The following WDFY3 variants were observed in gnomAD, a reference collection of about 807,000 sequenced individuals.
The protein encoded by WDFY3 is WD repeat and FYVE domain-containing protein 3.
A neutral mutation model predicts 409.6 loss-of-function variants in WDFY3; 66 were observed. That is an observed-to-expected ratio of 0.16 (90% confidence interval 0.13 to 0.20). The LOEUF (loss-of-function observed/expected upper bound fraction) is 0.20. Ranked by LOEUF, WDFY3 falls within the 10% of genes least tolerant of loss-of-function variation. The pLI, the probability that WDFY3 is intolerant of heterozygous loss-of-function variation, is 1.00. For synonymous variants in WDFY3, 1,521 were observed against 1,537.1 expected, an observed-to-expected ratio of 0.99 and a Z score of 0.25; for missense variants, 3,031 against 4,298.1, an observed-to-expected ratio of 0.71 and a Z score of 8.24.
intron 36 of WDFY3, among the ~76,000 whole-genome samples, chr4:84,750,483 C>G (rs529118677): frequency 8.6e-5 from 13 of 152,008 alleles, no homozygotes; most frequent in African/African-American, 2.9e-4. Context: ...AAAAAAAAAT[C>G]TCAGGTTCAG....
intron 5 of WDFY3, among the ~76,000 whole-genome samples, chr4:84,847,790 C>CAAAAAAAAAAAAAAAAAAAAAACA (rs78361102): frequency 3.6e-5 from 3 of 82,728 alleles, no homozygotes; most frequent in Admixed American, 1.3e-4. Context: ...AAAAAAAAAC[C>CAAAAAAAAAAAAAAAAAAAAAACA]AAAAAAAAAA....
intron 63 of WDFY3, 49 bp from the exon 64 acceptor site, chr4:84,682,519 G>T: frequency 6.8e-7 from 1 of 1,461,958 alleles, no homozygotes; most frequent in South Asian, 1.2e-5. Flanking sequence ...ACAGATTAAG[G>T]AACCAATTTA....
rs553902533 is a variant in WDFY3 at position 84,746,095 on chromosome 4, C to T, written c.5974-2296G>A. 4.8e-5 allele frequency among the ~76,000 whole-genome samples: 7 copies of T among 146,066 alleles called. 1 individual carries two copies. The highest frequency in any genetic ancestry group is 1.4e-4 in the Admixed American group (2 of 14,050). The stretch of plus-strand genomic sequence containing the variant: ...GGCTAAGGCAGGTGGATTACTTGAA[C>T]GCAGGAGTTCAAGACCAGCCTGGGG... On this transcript the variant is annotated intron_variant, in intron 36 of 67. Coordinates refer to ENST00000295888, the MANE Select transcript of WDFY3 (RefSeq NM_014991.6).
intron 61 of WDFY3, among the ~76,000 whole-genome samples, chr4:84,688,829 C>T (rs1728770013): frequency 6.6e-6 from 1 of 152,116 alleles, no homozygotes; most frequent in Admixed American, 6.5e-5. Context: ...TGCTGCCAAT[C>T]GGAGATATCT....
chr4:84,735,910 A>G (rs1285845116), intron 42 of WDFY3, among the ~76,000 whole-genome samples: 1 of 152,212 alleles, frequency 6.6e-6, no homozygotes, highest in Non-Finnish European at 1.5e-5. Flanking sequence ...GAAAATTGAG[A>G]GAAAATTATC....
intron 5 of WDFY3, among the ~76,000 whole-genome samples, chr4:84,847,030 T>C (rs927898317): frequency 1.3e-5 from 2 of 152,066 alleles, no homozygotes; most frequent in Non-Finnish European, 2.9e-5. Context: ...GGTTTGTTTG[T>C]TCACTGAAAA....
At chr4:84,804,846 T>C (rs538613367) in intron 15 of WDFY3, among the ~76,000 whole-genome samples, 1 of 152,332 alleles carries the variant, frequency 6.6e-6, no homozygotes, top group Non-Finnish European at 1.5e-5. Flanking sequence ...TCCAAAATCA[T>C]TTCTAAATTG....
Position 84,678,903 on chromosome 4 carries a change from C to T in WDFY3, c.10147+16G>A, listed in dbSNP as rs758173415. On this transcript the variant is annotated intron_variant, in intron 65 of 67. Transcript: ENST00000295888. Reference sequence around the variant, plus strand: ...ACATATAAGGAGTGAGAAATAGATACCAGACTTCAAGTTACCAGGTTTCAA... The same window carrying T: ...ACATATAAGGAGTGAGAAATAGATATCAGACTTCAAGTTACCAGGTTTCAA... The T allele has an allele frequency of 1.2e-6, 2 of 1,600,328 alleles. No individual in the cohort carries two copies. Among genetic ancestry groups the T allele is most frequent in the Non-Finnish European group, 1.7e-6 (2 of 1,172,524 alleles).
At chr4:84,753,973 G>A in intron 34 of WDFY3, 97 bp from the exon 35 acceptor site, 27 of 1,291,536 alleles carry the variant, frequency 2.1e-5, no homozygotes, top group Non-Finnish European at 2.5e-5. Flanking sequence ...TATGAAACTG[G>A]ATATATTGAT....
At position 84,751,314 on chromosome 4, in the gene WDFY3, A is replaced by G. The variant is rs561506260; in HGVS notation, c.5973+169T>C. Reference sequence around the variant, plus strand: ...GAGGGAAGGAAAAGAACAAACTGATAGGGTTTAAAGCACATGTGGGATTAA... The same window carrying G: ...GAGGGAAGGAAAAGAACAAACTGATGGGGTTTAAAGCACATGTGGGATTAA... On this transcript the variant is annotated intron_variant, in intron 36 of 67. Coordinates refer to ENST00000295888, the MANE Select transcript of WDFY3 (RefSeq NM_014991.6). 2.3e-4 allele frequency: 151 copies of G among 660,682 alleles called. No homozygotes were observed. In the African/African-American group the frequency reaches 2.5e-3, roughly 11 times the overall value. 40.9% of individuals were successfully genotyped at this position (660,682 alleles called of 1,614,324 possible). A position where few individuals can be genotyped will look rare whatever the true frequency, so the allele number is the denominator to read the frequency against.
intron 4 of WDFY3, among the ~76,000 whole-genome samples, chr4:84,854,977 C>T (rs986108215): frequency 5.9e-5 from 9 of 151,954 alleles, no homozygotes; most frequent in African/African-American, 2.2e-4. Context: ...GAACTGGCAA[C>T]ACATTCAACT....
At chr4:84,715,492 C>T (rs1009710578) in intron 49 of WDFY3, 109 bp from the exon 50 acceptor site, 11 of 633,512 alleles carry the variant, frequency 1.7e-5, no homozygotes, top group East Asian at 1.3e-4. Flanking sequence ...AGTTAATCTG[C>T]GGCCGGGCGC....
chr4:84,884,775 A>C (rs1763970013), intron 3 of WDFY3, among the ~76,000 whole-genome samples: 2 of 152,194 alleles, frequency 1.3e-5, no homozygotes, highest in South Asian at 4.1e-4. Flanking sequence ...GAAATCTCAG[A>C]GGCAGACCCA....
chr4:84,936,869 T>C (rs984330109), intron 1 of WDFY3, among the ~76,000 whole-genome samples: 1 of 152,022 alleles, frequency 6.6e-6, no homozygotes, highest in African/African-American at 2.4e-5. Flanking sequence ...ATCTAACCCC[T>C]CTACTTTGCT....
intron 3 of WDFY3, among the ~76,000 whole-genome samples, chr4:84,880,331 T>C (rs917521688): frequency 2.6e-5 from 4 of 152,126 alleles, no homozygotes; most frequent in South Asian, 2.1e-4. Context: ...AAGTTTGTAA[T>C]GTTTCAAGTA....
intron 13 of WDFY3, among the ~76,000 whole-genome samples, chr4:84,815,153 A>G (rs1753103001): frequency 6.6e-6 from 1 of 152,298 alleles, no homozygotes; most frequent in East Asian, 1.9e-4. Context: ...AAGGAGATGG[A>G]GATCGGGTCA....
Position 84,742,924 on chromosome 4 carries a change from C to T in WDFY3, c.6073+776G>A, listed in dbSNP as rs1158431234. ...TATTCTCACCTAATGCTAAATTGCCCCATTAAGCAAAATTATTTGTGTTGT... is the reference window on the plus strand; with the variant it reads ...TATTCTCACCTAATGCTAAATTGCCTCATTAAGCAAAATTATTTGTGTTGT... On this transcript the variant is annotated intron_variant, in intron 37 of 67. Transcript: ENST00000295888. 2.0e-5 allele frequency among the ~76,000 whole-genome samples: 3 copies of T among 152,050 alleles called. No individual in the cohort carries two copies. In the East Asian group the frequency reaches 5.8e-4, roughly 29 times the overall value.
In WDFY3 at chr4:84,803,412, C is replaced by A; in HGVS notation, c.2485G>T (p.Asp829Tyr). ...PPVYPPKNVA[D>Y]LKLHVTTSSL... ...GAAGTTGTCACATGTAGTTTCAGGT[C>A]GGCAACATTTTTAGGAGGGTAAACA... Residue 829 changes from aspartate to tyrosine, a missense_variant, in exon 16 of 68, where the codon GAC becomes TAC. By Grantham distance (160) the Asp-to-Tyr change is radical. This residue lies in a region of WDFY3 where 1,322 missense variants were observed against 1,697.9 expected (regional missense o/e 0.78). Transcript: ENST00000295888. 1 of 1,613,878 alleles carries A rather than the reference C, an allele frequency of 6.2e-7. No individual in the cohort carries two copies. The highest frequency in any genetic ancestry group is 8.5e-7 in the Non-Finnish European group (1 of 1,179,978).
Position 84,688,183 on chromosome 4 carries a change from C to T in WDFY3, c.9446G>A (p.Arg3149Gln), listed in dbSNP as rs141776993. The part of the protein sequence containing the change: ...YHIIVSGSRD[R>Q]TCIIWDLNKL... Reference sequence around the variant, plus strand: ...GTTCAAATCCCAAATGATACAGGTTCGATCACGGGACCCACTGACAATTAT... The same window carrying T: ...GTTCAAATCCCAAATGATACAGGTTTGATCACGGGACCCACTGACAATTAT... Residue 3149 changes from arginine (R) to glutamine (Q), a missense_variant, in exon 62 of 68, where the codon CGA becomes CAA. Physicochemically the swap from Arg to Gln is conservative, Grantham distance 43. Coordinates refer to ENST00000295888, the MANE Select transcript of WDFY3 (RefSeq NM_014991.6). The T allele has an allele frequency of 2.4e-5, 39 of 1,614,026 alleles. No homozygotes were observed. In the Admixed American group the frequency reaches 3.5e-4, roughly 14 times the overall value.
Sources: gnomAD v4.1 joint callset for allele counts (sites outside exome capture counted in the v4.1 genomes callset) on GRCh38, gnomAD v4.1.1 for gene constraint, gnomAD v4.1.1 regional missense constraint, MANE v1.5 for transcripts, NCBI Gene and HGNC (gene_info 2026-07-23, HGNC 2026-07-21) for gene names.